The following SPOCK3 variants were observed in gnomAD, a reference collection of about 807,000 sequenced individuals.
SPOCK3 encodes testican-3.
SPOCK3 carries 30 observed loss-of-function variants against 56.6 expected under a neutral mutation model. That is an observed-to-expected ratio of 0.53 (90% CI 0.40 to 0.72). The LOEUF is 0.72. Among genes scored for constraint, SPOCK3 ranks in the 30% least tolerant of loss-of-function variants. The pLI is 0.00. For missense variants in SPOCK3, 527 were observed against 530.0 expected, an observed-to-expected ratio of 0.99 and a Z score of 0.06; for synonymous variants, 196 against 183.3, an observed-to-expected ratio of 1.07 and a Z score of -0.56.
chr4:167,162,665 C>T (rs942390823), intron 2 of SPOCK3, among the ~76,000 whole-genome samples: 2 of 151,976 alleles, frequency 1.3e-5, no homozygotes, highest in East Asian at 1.9e-4. Context: ...ACTGAAAGTG[C>T]TGCAGCTGGG....
At position 166,948,220 on chromosome 4, in the gene SPOCK3, T is replaced by C. The variant is rs181725158; in HGVS notation, c.351-35477A>G. On this transcript the variant is annotated intron_variant, in intron 4 of 10. Coordinates refer to ENST00000357545, the MANE Select transcript of SPOCK3 (RefSeq NM_001040159.2). ...TTTTTAATGGTCGAATAGTATTCCA[T>C]TGTGCATATATACCACATTTTCTTT... is the stretch of plus-strand genomic sequence containing the variant. Among the ~76,000 whole-genome samples, 261 of 152,330 alleles carry C rather than the reference T, an allele frequency of 1.7e-3. 2 individuals are homozygous for C. Among genetic ancestry groups the C allele is most frequent in the Admixed American group, 0.016 (243 of 15,290 alleles).
At chr4:167,198,632 TTG>T (rs1733202048) in intron 2 of SPOCK3, among the ~76,000 whole-genome samples, 1 of 152,180 alleles carries the variant, frequency 6.6e-6, no homozygotes, top group Non-Finnish European at 1.5e-5. Flanking sequence ...TAGTTTTTAT[TTG>T]TGTTTTTCTT....
rs144136536 is a variant in SPOCK3, at chr4:167,224,513, G to A, written c.189+9472C>T. Among the ~76,000 whole-genome samples the A allele has an allele frequency of 2.4e-4, 36 of 152,148 alleles. 1 individual carries two copies. In the East Asian group the frequency reaches 5.4e-3, roughly 23 times the overall value. ...GAAGCAATTTTTGTATATGCCACTCGTTATTTGATTGTTTAAAATAGCCAT... is the reference window on the plus strand; with the variant it reads ...GAAGCAATTTTTGTATATGCCACTCATTATTTGATTGTTTAAAATAGCCAT... On this transcript the variant is annotated intron_variant, in intron 2 of 10. Transcript: ENST00000357545.
intron 2 of SPOCK3, among the ~76,000 whole-genome samples, chr4:167,129,589 A>G (rs1025589301): frequency 1.3e-5 from 2 of 151,788 alleles, no homozygotes; most frequent in Non-Finnish European, 2.9e-5. Flanking sequence ...CAGATATAAT[A>G]TTTCTTCATT....
chr4:167,104,719 C>A (rs1389748744), intron 2 of SPOCK3, among the ~76,000 whole-genome samples: 1 of 151,368 alleles, frequency 6.6e-6, no homozygotes, highest in Non-Finnish European at 1.5e-5. Context: ...GGAAAGATAT[C>A]AATGTTCAAG....
chr4:166,977,504 C>A lies in SPOCK3; in HGVS notation c.350+22845G>T, dbSNP rs866590639. On this transcript the variant is annotated intron_variant, in intron 4 of 10. Transcript: ENST00000357545. ...ATTCTCTGATAATATTGTATCTTTT[C>A]CTTGCCAATTTTTAAAATGACTGTC... 4.4e-4 allele frequency among the ~76,000 whole-genome samples: 67 copies of A among 152,004 alleles called. No homozygotes were observed. The Middle Eastern group carries it at 0.01, about 23-fold the overall frequency.
intron 8 of SPOCK3, among the ~76,000 whole-genome samples, chr4:166,747,739 C>T (rs13151721): frequency 0.81 from 122,306 of 151,828 alleles, 49,520 homozygotes; most frequent in African/African-American, 0.84. Context: ...GAAAACCCCA[C>T]TGTCTCAGCC....
chr4:166,979,100 T>C (rs1008401186), intron 4 of SPOCK3, among the ~76,000 whole-genome samples: 1 of 152,186 alleles, frequency 6.6e-6, no homozygotes, highest in African/African-American at 2.4e-5. Context: ...TTAGAAAATA[T>C]AAGTTTCCTG....
At chr4:166,847,061 A>T (rs563779253) in intron 6 of SPOCK3, among the ~76,000 whole-genome samples, 9 of 152,232 alleles carry the variant, frequency 5.9e-5, no homozygotes, top group Admixed American at 3.3e-4. Context: ...CTAGCCATCA[A>T]GAGATCTATT....
intron 4 of SPOCK3, among the ~76,000 whole-genome samples, chr4:166,936,609 C>A (rs1196466728): frequency 6.6e-6 from 1 of 151,936 alleles, no homozygotes; most frequent in Non-Finnish European, 1.5e-5. Flanking sequence ...GTCTATTTTT[C>A]TTTACAGGGA....
chr4:166,811,886 A>G (rs1743847968), intron 6 of SPOCK3, among the ~76,000 whole-genome samples: 1 of 151,726 alleles, frequency 6.6e-6, no homozygotes, highest in Non-Finnish European at 1.5e-5. Flanking sequence ...AAATGTTTTC[A>G]TTTTATTATT....
At position 166,769,980 on chromosome 4, in the gene SPOCK3, T is replaced by C. The variant is rs903914708; in HGVS notation, c.710-15251A>G. Reference sequence around the variant, plus strand: ...GTGAGGCTTCATGTGCATGGTACCCTCCGAGCCATGCACGGGATATAATCT... The same window carrying C: ...GTGAGGCTTCATGTGCATGGTACCCCCCGAGCCATGCACGGGATATAATCT... On this transcript the variant is annotated intron_variant, in intron 7 of 10. Transcript: ENST00000357545. Among the ~76,000 whole-genome samples the C allele has an allele frequency of 1.1e-4, 16 of 152,154 alleles. 1 individual carries two copies. Among genetic ancestry groups the C allele is most frequent in the Admixed American group, 1.0e-3 (16 of 15,278 alleles).
chr4:166,867,374 GAGAAAA>G (rs1731958284), intron 6 of SPOCK3, among the ~76,000 whole-genome samples: 1 of 151,858 alleles, frequency 6.6e-6, no homozygotes, highest in African/African-American at 2.4e-5. Flanking sequence ...CCATACTCGT[GAGAAAA>G]AGAAAATGTT....
At position 167,087,458 on chromosome 4, in the gene SPOCK3, T is replaced by A. The variant is rs1315410536; in HGVS notation, c.190-24921A>T. ...TTGACGTTACAGTAAGAACCACTGA[T>A]AGAAAATTTACTTTTTCTTATACTA... On this transcript the variant is annotated intron_variant, in intron 2 of 10. Transcript: ENST00000357545. Among the ~76,000 whole-genome samples, 4 of 152,334 alleles carry A rather than the reference T, an allele frequency of 2.6e-5. No homozygotes were observed. The East Asian group carries it at 7.7e-4, about 29-fold the overall frequency.
chr4:167,153,925 A>T (rs1367868425), intron 2 of SPOCK3, among the ~76,000 whole-genome samples: 1 of 127,374 alleles, frequency 7.9e-6, no homozygotes, highest in East Asian at 2.3e-4. Flanking sequence ...GGCTTTAATC[A>T]CTGTCAGAGC....
intron 2 of SPOCK3, among the ~76,000 whole-genome samples, chr4:167,100,438 C>G (rs1450122676): frequency 1.3e-5 from 2 of 151,090 alleles, no homozygotes; most frequent in Admixed American, 1.3e-4. Flanking sequence ...CTTTCTTTCT[C>G]TCTGTCTCTC....
chr4:167,145,894 T>C (rs988881625), intron 2 of SPOCK3, among the ~76,000 whole-genome samples: 9 of 152,128 alleles, frequency 5.9e-5, no homozygotes, highest in African/African-American at 2.2e-4. Flanking sequence ...ATGAAGAAAC[T>C]GCATCAGCTA....
rs150633248 is a variant in SPOCK3, at chr4:166,780,969, T to G, written c.709+11201A>C. On this transcript the variant is annotated intron_variant, in intron 7 of 10. Coordinates refer to ENST00000357545, the MANE Select transcript of SPOCK3 (RefSeq NM_001040159.2). ...GCACAAGGCAACCCTATAGTTACTT[T>G]AAGCCTGAGATGCACTGAGGATAAC... Among the ~76,000 whole-genome samples, 713 of 152,274 alleles carry G rather than the reference T, an allele frequency of 4.7e-3. 9 individuals carry two copies. Among genetic ancestry groups the G allele is most frequent in the African/African-American group, 0.016 (663 of 41,564 alleles).
chr4:167,223,269 C>T (rs1385952494), intron 2 of SPOCK3, among the ~76,000 whole-genome samples: 1 of 136,544 alleles, frequency 7.3e-6, no homozygotes, highest in Non-Finnish European at 1.5e-5. Context: ...TGTATATATT[C>T]ATTTATAAAT....
Sources: gnomAD v4.1 joint callset for allele counts (sites outside exome capture counted in the v4.1 genomes callset) on GRCh38, gnomAD v4.1.1 for gene constraint, MANE v1.5 for transcripts, NCBI Gene and HGNC (gene_info 2026-07-23, HGNC 2026-07-21) for gene names.